Variants in FSTL5 observed in about 807,000 individuals in gnomAD.
The protein encoded by FSTL5 is follistatin-related protein 5.
Under a neutral mutation model 89.1 loss-of-function variants are expected in FSTL5, and 62 were observed. That is an observed-to-expected ratio of 0.70 (90% CI 0.57 to 0.86). The LOEUF is 0.86. Ranked by LOEUF, FSTL5 falls within the 40% of genes least tolerant of loss-of-function variation. The pLI is 0.00. For synonymous variants in FSTL5, 383 were observed against 346.2 expected (o/e 1.11, Z -1.18); for missense variants, 1,057 against 1,001.6 (o/e 1.06, Z -0.75).
intron 4 of FSTL5, among the ~76,000 whole-genome samples, chr4:161,799,511 A>G (rs890868361): frequency 6.6e-6 from 1 of 151,634 alleles, no homozygotes; most frequent in African/African-American, 2.4e-5. Flanking sequence ...TTTTGACTCA[A>G]ATTACTTTAC....
intron 2 of FSTL5, chr4:162,047,645 C>T (rs1000526108): frequency 6.6e-6 from 1 of 152,142 alleles, no homozygotes; most frequent in African/African-American, 2.4e-5. Flanking sequence ...GTCTGGCCAA[C>T]ATGGTGAAGC....
intron 7 of FSTL5, among the ~76,000 whole-genome samples, chr4:161,619,956 T>C (rs1195911260): frequency 6.6e-6 from 1 of 151,852 alleles, no homozygotes; most frequent in Non-Finnish European, 1.5e-5. Context: ...CCAACAACGA[T>C]AGACTGGATT....
intron 4 of FSTL5, among the ~76,000 whole-genome samples, chr4:161,826,297 T>C (rs1730665895): frequency 6.6e-6 from 1 of 152,214 alleles, no homozygotes; most frequent in Non-Finnish European, 1.5e-5. Flanking sequence ...TGACCTATCA[T>C]ATGGTCTCTC....
Position 161,904,656 on chromosome 4 carries a change from C to T in FSTL5, c.409+15748G>A, listed in dbSNP as rs935102976. On this transcript the variant is annotated intron_variant, in intron 4 of 15. Coordinates refer to ENST00000306100, the MANE Select transcript of FSTL5 (RefSeq NM_020116.5). ...AAACAGAAAAAAAATCACAATAATCCCCCAAAATATGTAAACATCTTTACT... is the reference window on the plus strand; with the variant it reads ...AAACAGAAAAAAAATCACAATAATCTCCCAAAATATGTAAACATCTTTACT... Among the ~76,000 whole-genome samples, 2 of 150,792 alleles carry T rather than the reference C, an allele frequency of 1.3e-5. 1 individual carries two copies. The highest frequency in any genetic ancestry group is 3.9e-4 in the East Asian group (2 of 5,130).
chr4:161,615,258 C>T (rs1303878010), intron 7 of FSTL5, among the ~76,000 whole-genome samples: 16 of 130,422 alleles, frequency 1.2e-4, no homozygotes, highest in Non-Finnish European at 2.5e-4. Context: ...TGCACCACTG[C>T]ACTCCAGCCT....
chr4:161,810,961 G>C (rs945843400), intron 4 of FSTL5, among the ~76,000 whole-genome samples: 1 of 152,072 alleles, frequency 6.6e-6, no homozygotes, highest in Non-Finnish European at 1.5e-5. Context: ...GTAACTATGC[G>C]TCAGCCTCGC....
chr4:161,564,298 T>C (rs1732723124), intron 8 of FSTL5, among the ~76,000 whole-genome samples: 1 of 150,990 alleles, frequency 6.6e-6, no homozygotes, highest in Non-Finnish European at 1.5e-5. Flanking sequence ...TATGACCTGA[T>C]CCTATAATAA....
chr4:162,066,508 G>A (rs1263764285), intron 2 of FSTL5, among the ~76,000 whole-genome samples: 3 of 149,098 alleles, frequency 2.0e-5, no homozygotes, highest in Admixed American at 6.7e-5. Context: ...GTGGTTTGCT[G>A]CACTTATCAA....
At chr4:161,938,654 C>A (rs1734496429) in intron 3 of FSTL5, among the ~76,000 whole-genome samples, 1 of 151,832 alleles carries the variant, frequency 6.6e-6, no homozygotes, top group Non-Finnish European at 1.5e-5. Flanking sequence ...ATAAACTGGT[C>A]AAATAATGCA....
intron 4 of FSTL5, among the ~76,000 whole-genome samples, chr4:161,782,414 G>T (rs573631052): frequency 2.2e-4 from 33 of 152,274 alleles, no homozygotes; most frequent in Middle Eastern, 3.4e-3. Flanking sequence ...GGTGTTGTCA[G>T]TGTTTTGAGT....
chr4:161,979,554 C>T (rs111779631), intron 3 of FSTL5, among the ~76,000 whole-genome samples: 1 of 151,950 alleles, frequency 6.6e-6, no homozygotes, highest in Admixed American at 6.6e-5. Flanking sequence ...GTCTTCTCTC[C>T]CTCTTTCATT....
At chr4:161,896,090 T>C (rs909912540) in intron 4 of FSTL5, among the ~76,000 whole-genome samples, 1 of 152,182 alleles carries the variant, frequency 6.6e-6, no homozygotes, top group Admixed American at 6.6e-5. Context: ...CAAATATCTG[T>C]TTAGCCTTCA....
At chr4:161,598,890 A>G (rs1734133251) in intron 7 of FSTL5, among the ~76,000 whole-genome samples, 1 of 152,160 alleles carries the variant, frequency 6.6e-6, no homozygotes, top group South Asian at 2.1e-4. Context: ...TTCATATAAA[A>G]TGTTAAGAAA....
intron 2 of FSTL5, among the ~76,000 whole-genome samples, chr4:162,091,872 G>T (rs1384024846): frequency 6.6e-6 from 1 of 151,266 alleles, no homozygotes; most frequent in Non-Finnish European, 1.5e-5. Context: ...TATATAGGGA[G>T]AGAAATTATA....
intron 13 of FSTL5, among the ~76,000 whole-genome samples, chr4:161,473,662 G>T (rs1190298348): frequency 6.6e-6 from 1 of 151,952 alleles, no homozygotes; most frequent in African/African-American, 2.4e-5. Flanking sequence ...GAACTCCTGG[G>T]GCCACACACT....
chr4:161,800,659 G>A (rs972940557), intron 4 of FSTL5, among the ~76,000 whole-genome samples: 1 of 151,470 alleles, frequency 6.6e-6, no homozygotes, highest in Non-Finnish European at 1.5e-5. Flanking sequence ...CCTTCTAAGT[G>A]ACTGAAACGT....
chr4:161,777,986 C>T (rs1332589028), intron 4 of FSTL5, among the ~76,000 whole-genome samples: 8 of 151,914 alleles, frequency 5.3e-5, no homozygotes, highest in African/African-American at 1.2e-4. Context: ...CCCAGCTACT[C>T]GGGAGGCTGA....
intron 3 of FSTL5, among the ~76,000 whole-genome samples, chr4:161,946,611 C>T (rs148014327): frequency 6.6e-6 from 1 of 152,222 alleles, no homozygotes; most frequent in Non-Finnish European, 1.5e-5. Context: ...TATTCCATTG[C>T]ATGACAACAT....
At chr4:161,548,242 T>C (rs911522353) in intron 8 of FSTL5, among the ~76,000 whole-genome samples, 2 of 151,902 alleles carry the variant, frequency 1.3e-5, no homozygotes, top group Non-Finnish European at 2.9e-5. Context: ...TAGTCATATA[T>C]TGATTACTTA....
Sources: allele counts gnomAD v4.1 joint callset (sites outside exome capture counted in the v4.1 genomes callset), GRCh38; gene constraint gnomAD v4.1.1; transcripts MANE v1.5; gene names NCBI Gene and HGNC (gene_info 2026-07-23, HGNC 2026-07-21).